The following PRELID2 variants were observed in gnomAD, a reference collection of about 807,000 sequenced individuals.
PRELID2 encodes PRELI domain-containing protein 2.
In PRELID2, 25 loss-of-function variants were observed where a neutral mutation model predicts 28.4. The observed-to-expected ratio is 0.88, with a 90% CI of 0.64 to 1.23. The LOEUF (loss-of-function observed/expected upper bound fraction) is 1.23. Among genes scored for constraint, PRELID2 ranks in the 50% most tolerant of loss-of-function variants. The pLI is 0.00. For missense variants in PRELID2, 201 were observed against 214.4 expected (o/e 0.94, Z 0.39); for synonymous variants, 76 against 71.6 (o/e 1.06, Z -0.31).
At chr5:145,374,859 G>A in the PRELID2 span, among the ~76,000 whole-genome samples, 1 of 152,082 alleles carries the variant, frequency 6.6e-6, no homozygotes, top group Admixed American at 6.6e-5. Flanking sequence ...ACTTAAACTG[G>A]TTATTCTAGT....
the PRELID2 span, among the ~76,000 whole-genome samples, chr5:145,267,821 A>G: frequency 6.6e-6 from 1 of 152,144 alleles, no homozygotes; most frequent in African/African-American, 2.4e-5. Flanking sequence ...CACATTTGTT[A>G]TTACTTGTCT....
At chr5:145,262,625 G>T in the PRELID2 span, among the ~76,000 whole-genome samples, 1 of 152,158 alleles carries the variant, frequency 6.6e-6, no homozygotes, top group South Asian at 2.1e-4. Context: ...GCCTTTTCCA[G>T]ACAGACATAT....
chr5:145,311,119 A>G, the PRELID2 span, among the ~76,000 whole-genome samples: 1 of 152,220 alleles, frequency 6.6e-6, no homozygotes, highest in East Asian at 1.9e-4. Context: ...CAGAAACTAA[A>G]GTATTTCTCA....
At chr5:145,385,733 T>C in the PRELID2 span, among the ~76,000 whole-genome samples, 1 of 152,232 alleles carries the variant, frequency 6.6e-6, no homozygotes, top group Admixed American at 6.5e-5. Flanking sequence ...CCAATTGTGA[T>C]GTTCTTTAGA....
chr5:145,307,070 T>G, the PRELID2 span, among the ~76,000 whole-genome samples: 1 of 152,202 alleles, frequency 6.6e-6, no homozygotes, highest in African/African-American at 2.4e-5. Context: ...GGTCAAAAAT[T>G]GTCACATAGG....
chr5:145,592,098 C>A lies in PRELID2; in HGVS notation n.71-118783G>T, dbSNP rs184113016. On this transcript the variant is annotated intron_variant and non_coding_transcript_variant, in intron 1 of 2. Coordinates refer to the PRELID2 transcript ENST00000510259. Reference sequence around the variant, plus strand: ...AGTTGTAACAGCAAATGAGCTGAAACAACCATCTTGCGCATCATTAGAAAA... The same window carrying A: ...AGTTGTAACAGCAAATGAGCTGAAAAAACCATCTTGCGCATCATTAGAAAA... 1.4e-4 allele frequency among the ~76,000 whole-genome samples: 22 copies of A among 152,250 alleles called. No homozygotes were observed. In the East Asian group the frequency reaches 4.3e-3, roughly 29 times the overall value.
At chr5:145,543,526 T>C (rs189312930) in intron 1 of PRELID2, among the ~76,000 whole-genome samples, 10 of 152,226 alleles carry the variant, frequency 6.6e-5, no homozygotes, top group Non-Finnish European at 1.3e-4. Flanking sequence ...TGGTCAATGA[T>C]TTTCATTGTC....
intron 1 of PRELID2, among the ~76,000 whole-genome samples, chr5:145,630,289 A>T (rs1753914713): frequency 6.7e-6 from 1 of 149,522 alleles, no homozygotes. Flanking sequence ...AGGTGATTCC[A>T]TAATTGGGAA....
rs760728321 is a variant in PRELID2, at chr5:145,528,722, CACACAGAGAGAG to C, written n.71-55419_71-55408del. ...ACACACACACACACACACACACACA[CACACAGAGAGAG>C]AGAGAGAGAGAGAGAGAGTAAGTCA... On this transcript the variant is annotated intron_variant and non_coding_transcript_variant, in intron 1 of 2. Coordinates refer to the PRELID2 transcript ENST00000510259. Among the ~76,000 whole-genome samples, 593 of 128,980 alleles carry C rather than the reference CACACAGAGAGAG, an allele frequency of 4.6e-3. 5 individuals carry two copies. The highest frequency in any genetic ancestry group is 0.016 in the African/African-American group (536 of 33,144). 84.6% of individuals were successfully genotyped at this position (128,980 alleles called of 152,430 possible).
Position 145,675,167 on chromosome 5 carries a change from T to G in PRELID2, n.70+89764A>C, listed in dbSNP as rs77901196. Among the ~76,000 whole-genome samples the G allele has an allele frequency of 9.1e-4, 139 of 152,192 alleles. 3 individuals carry two copies. The East Asian group carries it at 0.023, about 25-fold the overall frequency. On this transcript the variant is annotated intron_variant and non_coding_transcript_variant, in intron 1 of 2. Transcript: ENST00000510259. ...AAACACTTGCCACTTTCTGCAGGAA[T>G]AATGAGTTAATATTATAAAAATAGA...
chr5:145,394,608 A>G, the PRELID2 span, among the ~76,000 whole-genome samples: 2 of 152,256 alleles, frequency 1.3e-5, no homozygotes, highest in Admixed American at 1.3e-4. Flanking sequence ...TAAAATAAAT[A>G]TATGTTCCAA....
chr5:145,791,689 C>T (rs1459743706), intron 5 of PRELID2, among the ~76,000 whole-genome samples: 5 of 152,076 alleles, frequency 3.3e-5, no homozygotes, highest in African/African-American at 9.7e-5. Flanking sequence ...GTACTTAATG[C>T]CACTGAACTG....
At chr5:145,653,963 G>T (rs1366101063) in intron 1 of PRELID2, among the ~76,000 whole-genome samples, 1 of 151,900 alleles carries the variant, frequency 6.6e-6, no homozygotes, top group Admixed American at 6.6e-5. Context: ...TCCAGGAGCT[G>T]GTTTTTTTAA....
chr5:145,259,066 A>G, the PRELID2 span, among the ~76,000 whole-genome samples: 2 of 152,322 alleles, frequency 1.3e-5, no homozygotes, highest in African/African-American at 4.8e-5. Flanking sequence ...AAGCCTTGGC[A>G]GCTTCCACGT....
intron 1 of PRELID2, among the ~76,000 whole-genome samples, chr5:145,474,384 C>A (rs182663492): frequency 6.6e-6 from 1 of 152,310 alleles, no homozygotes; most frequent in Admixed American, 6.5e-5. Context: ...GCACTGATCC[C>A]TGAAACTGAA....
intron 1 of PRELID2, among the ~76,000 whole-genome samples, chr5:145,832,759 C>T (rs1244911423): frequency 2.6e-5 from 4 of 151,858 alleles, no homozygotes; most frequent in Non-Finnish European, 4.4e-5. Context: ...CACACATGAG[C>T]GCACATACAC....
At chr5:145,588,853 G>C (rs538530847) in intron 1 of PRELID2, among the ~76,000 whole-genome samples, 2 of 149,812 alleles carry the variant, frequency 1.3e-5, no homozygotes, top group Admixed American at 6.7e-5. Context: ...TCCACACACT[G>C]TGTTTTAGGG....
At chr5:145,453,381 C>A in the PRELID2 span, among the ~76,000 whole-genome samples, 1 of 152,156 alleles carries the variant, frequency 6.6e-6, no homozygotes, top group Non-Finnish European at 1.5e-5. Context: ...TGCATTAGAG[C>A]ATCTGTTTAT....
chr5:145,277,871 CTCTAGGCCACCCTGTGGCCT>C, the PRELID2 span, among the ~76,000 whole-genome samples: 1 of 152,166 alleles, frequency 6.6e-6, no homozygotes, highest in Non-Finnish European at 1.5e-5. Flanking sequence ...CATACCTTCC[CTCTAGGCCACCCTGTGGCCT>C]TCTATTCTCA....
Sources: gnomAD v4.1 joint callset for allele counts (sites outside exome capture counted in the v4.1 genomes callset) on GRCh38, gnomAD v4.1.1 for gene constraint, MANE v1.5 for transcripts, NCBI Gene and HGNC (gene_info 2026-07-23, HGNC 2026-07-21) for gene names.